ARB2A: variants seen among roughly 807,000 people sequenced by gnomAD.
The protein encoded by ARB2A is cotranscriptional regulator ARB2A.
the ARB2A span, among the ~76,000 whole-genome samples, chr5:93,731,590 G>C: frequency 6.6e-6 from 1 of 152,170 alleles, no homozygotes; most frequent in Non-Finnish European, 1.5e-5. Context: ...AAAGGTATAT[G>C]TTAAGATTTT....
the ARB2A span, among the ~76,000 whole-genome samples, chr5:93,774,767 C>T: frequency 6.6e-6 from 1 of 152,072 alleles, no homozygotes; most frequent in African/African-American, 2.4e-5. Context: ...TGCTGCTGGC[C>T]ATGAGCTCAA....
the ARB2A span, among the ~76,000 whole-genome samples, chr5:93,675,120 A>G: frequency 6.6e-6 from 1 of 152,194 alleles, no homozygotes; most frequent in Non-Finnish European, 1.5e-5. Flanking sequence ...AGGAATGGGA[A>G]CCAGAAGTCA....
chr5:93,896,475 G>A, the ARB2A span, among the ~76,000 whole-genome samples: 4 of 151,940 alleles, frequency 2.6e-5, no homozygotes, highest in African/African-American at 7.2e-5. Context: ...AATGAATTTT[G>A]TGTTTAGACT....
the ARB2A span, among the ~76,000 whole-genome samples, chr5:93,761,681 C>T: frequency 6.6e-6 from 1 of 152,214 alleles, no homozygotes; most frequent in Non-Finnish European, 1.5e-5. Context: ...ACTTATATGT[C>T]CCTGTCTGAC....
chr5:93,914,666 A>G, the ARB2A span, among the ~76,000 whole-genome samples: 1 of 151,976 alleles, frequency 6.6e-6, no homozygotes, highest in East Asian at 1.9e-4. Flanking sequence ...GTAAAATACT[A>G]AATTAATTTA....
the ARB2A span, among the ~76,000 whole-genome samples, chr5:94,087,720 T>C: frequency 6.6e-6 from 1 of 152,202 alleles, no homozygotes; most frequent in Admixed American, 6.5e-5. Context: ...AGGTGTTCCT[T>C]TTTTAAAAAT....
At chr5:93,905,260 TTAGA>T in the ARB2A span, among the ~76,000 whole-genome samples, 1 of 151,754 alleles carries the variant, frequency 6.6e-6, no homozygotes, top group East Asian at 1.9e-4. Context: ...TGTAGAAAAC[TTAGA>T]TAGGAATTAG....
At chr5:93,732,412 A>G in the ARB2A span, among the ~76,000 whole-genome samples, 1 of 152,212 alleles carries the variant, frequency 6.6e-6, no homozygotes, top group South Asian at 2.1e-4. Context: ...ACATTCAGAA[A>G]CATGAAAATG....
At chr5:94,078,219 C>A in the ARB2A span, among the ~76,000 whole-genome samples, 4 of 152,102 alleles carry the variant, frequency 2.6e-5, no homozygotes, top group African/African-American at 9.7e-5. Flanking sequence ...AAATATATCA[C>A]AGAACACGTA....
the ARB2A span, chr5:94,050,622 T>G: frequency 1.3e-6 from 1 of 799,262 alleles, no homozygotes; most frequent in South Asian, 2.1e-5. Context: ...AAAACCTTTT[T>G]GGAATCACAT....
chr5:93,802,005 T>C, the ARB2A span, among the ~76,000 whole-genome samples: 1 of 152,118 alleles, frequency 6.6e-6, no homozygotes, highest in Admixed American at 6.6e-5. Flanking sequence ...AGACTGATTT[T>C]GAAAATGCTA....
At chr5:93,747,848 A>G in the ARB2A span, among the ~76,000 whole-genome samples, 2 of 152,174 alleles carry the variant, frequency 1.3e-5, no homozygotes, top group East Asian at 3.8e-4. Context: ...ACTGAAAGCA[A>G]GATTTCTATT....
the ARB2A span, chr5:93,784,355 C>T: frequency 6.5e-7 from 1 of 1,548,036 alleles, no homozygotes; most frequent in South Asian, 1.1e-5. Flanking sequence ...ACCCATTCAT[C>T]TCAGCACTAA....
At chr5:93,627,808 C>T in the ARB2A span, among the ~76,000 whole-genome samples, 1 of 152,090 alleles carries the variant, frequency 6.6e-6, no homozygotes, top group African/African-American at 2.4e-5. Context: ...GGCTGCAGAA[C>T]GAATGTTGTG....
At chr5:93,830,311 G>GTGTGTATGTGTGTGTATATATATA in the ARB2A span, among the ~76,000 whole-genome samples, 1 of 82,260 alleles carries the variant, frequency 1.2e-5, no homozygotes, top group Non-Finnish European at 2.4e-5. Flanking sequence ...GTGTGTGTGT[G>GTGTGTATGTGTGTGTATATATATA]TATATATATA....
chr5:93,704,221 G>A, the ARB2A span, among the ~76,000 whole-genome samples: 1 of 152,090 alleles, frequency 6.6e-6, no homozygotes, highest in Non-Finnish European at 1.5e-5. Context: ...GAGATGATGG[G>A]AAAGGCCAGT....
chr5:93,757,619 C>G, the ARB2A span, among the ~76,000 whole-genome samples: 3 of 152,112 alleles, frequency 2.0e-5, no homozygotes, highest in East Asian at 5.8e-4. Context: ...AATTTTGTAT[C>G]CAGTGAAACT....
chr5:94,059,818 T>A, the ARB2A span, among the ~76,000 whole-genome samples: 1 of 150,956 alleles, frequency 6.6e-6, no homozygotes, highest in Non-Finnish European at 1.5e-5. Flanking sequence ...GAAATAAAGA[T>A]TTTTTTTCAG....
the ARB2A span, among the ~76,000 whole-genome samples, chr5:94,029,076 C>A: frequency 3.9e-5 from 6 of 152,086 alleles, no homozygotes; most frequent in Non-Finnish European, 8.8e-5. Flanking sequence ...GAAGCAATAT[C>A]CGCCTCCCAG....
Sources: allele counts gnomAD v4.1 joint callset (sites outside exome capture counted in the v4.1 genomes callset), GRCh38; gene constraint gnomAD v4.1.1; transcripts MANE v1.5; gene names NCBI Gene and HGNC (gene_info 2026-07-23, HGNC 2026-07-21).